TRMT1: variants seen among roughly 807,000 people sequenced by gnomAD.
The protein encoded by TRMT1 is tRNA methyltransferase 1.
TRMT1 carries 63 observed loss-of-function variants against 75.4 expected under a neutral mutation model. The observed-to-expected ratio is 0.84, with a 90% CI of 0.68 to 1.03. TRMT1 has a LOEUF of 1.03. Ranked by LOEUF, TRMT1 falls within the 50% of genes least tolerant of loss-of-function variation. TRMT1 has a pLI of 0.00. For synonymous variants in TRMT1, 382 were observed against 358.1 expected, an observed-to-expected ratio of 1.07 and a Z score of -0.75; for missense variants, 870 against 905.3, an observed-to-expected ratio of 0.96 and a Z score of 0.50.
rs1209162594 is a variant in TRMT1, at chr19:13,105,188, G to A, written c.1833+79C>T. ...ACTCCCAAACACTTGCCTGGCCCCA[G>A]CTCCCCCAATTCTCTCCCTGTTGCC... On this transcript the variant is annotated intron_variant, in intron 16 of 16. Coordinates refer to ENST00000357720, the MANE Select transcript of TRMT1 (RefSeq NM_001136035.4). The A allele has an allele frequency of 3.2e-6, 5 of 1,560,254 alleles. No individual in the cohort carries two copies. In the East Asian group the frequency reaches 1.1e-4, roughly 35 times the overall value.
chr19:13,114,795 C>T (rs1188960399), intron 5 of TRMT1, among the ~76,000 whole-genome samples: 2 of 152,170 alleles, frequency 1.3e-5, no homozygotes, highest in African/African-American at 4.8e-5. Context: ...GAGCTGAGAT[C>T]GTGCCACTGC....
In TRMT1 at chr19:13,107,740, C is replaced by A. The variant is rs780947000; in HGVS notation, c.1506+11G>T. On this transcript the variant is annotated intron_variant, in intron 13 of 16. Transcript: ENST00000357720. ...GCCCTCCCACCTGCATGAGGTCAGC[C>A]CTGCCCTCACCCAGCAACGCATGAT... is the stretch of plus-strand genomic sequence containing the variant. The A allele has an allele frequency of 1.7e-5, 27 of 1,555,262 alleles. No homozygotes were observed. In the South Asian group the frequency reaches 3.2e-4, roughly 18 times the overall value.
chr19:13,107,104 G>T (rs974110958), intron 14 of TRMT1, among the ~76,000 whole-genome samples: 2 of 149,394 alleles, frequency 1.3e-5, no homozygotes, highest in African/African-American at 5.0e-5. Flanking sequence ...CCAAAGTGCT[G>T]GGACTACAGG....
chr19:13,115,676 G>A lies in TRMT1; in HGVS notation c.403C>T (p.Leu135=). The change falls in exon 4 of 17, where the codon CTG becomes TTG. Residue 135 remains leucine, a synonymous_variant. Transcript: ENST00000357720. ...GTGCGAGGTTGGTCTCCTGAGGCCA[G>A]GTTTTCACTCTCTTTCAGTTCAACC... ...EKVELKESEN[L]ASGDQPRTAA... The A allele has an allele frequency of 6.2e-7, 1 of 1,614,026 alleles. No homozygotes were observed. Among genetic ancestry groups the A allele is most frequent in the South Asian group, 1.1e-5 (1 of 91,078 alleles).
rs146440296 is a variant in TRMT1 at position 13,109,993 on chromosome 19, G to T, written c.1028C>A (p.Ala343Glu). The change falls in exon 9 of 17, where the codon GCG becomes GAG. Residue 343 changes from alanine to glutamate, a missense_variant. Coordinates refer to ENST00000357720, the MANE Select transcript of TRMT1 (RefSeq NM_001136035.4). ...AKVKASASKQ[A>E]LVFQCVGCGA... ...GCAGCCCACACACTGGAACACCAGCGCCTGCTTGCTGTGGGGGGTACCAGT... is the reference window on the plus strand; with the variant it reads ...GCAGCCCACACACTGGAACACCAGCTCCTGCTTGCTGTGGGGGGTACCAGT... The T allele has an allele frequency of 1.9e-6, 3 of 1,613,306 alleles. No homozygotes were observed. In the East Asian group the frequency reaches 6.7e-5, roughly 36 times the overall value.
intron 12 of TRMT1, 119 bp downstream of exon 12, chr19:13,109,262 G>C: frequency 8.5e-7 from 1 of 1,178,336 alleles, no homozygotes. Context: ...TTACAGGAAT[G>C]AGACAGTGCA....
chr19:13,115,896 T>C (rs2019328291), intron 3 of TRMT1, 101 bp downstream of exon 3: 6 of 1,608,546 alleles, frequency 3.7e-6, no homozygotes, highest in East Asian at 2.2e-5. Context: ...CAGGGCCTGC[T>C]ATGTGGCTGA....
chr19:13,110,255 G>T lies in TRMT1; in HGVS notation c.922C>A (p.Arg308Ser). The part of the protein sequence containing the change: ...SLDLRANCYQ[R>S]FVVPLLSISA... ...ATGCTGAGCAGCGGCACCACGAAGC[G>T]CTGGTAGCAGTTGGCGCGGAGGTCC... The change falls in exon 8 of 17, where the codon CGC becomes AGC. Residue 308 changes from arginine (R) to serine (S), a missense_variant. Physicochemically the swap from Arg to Ser is moderately radical, Grantham distance 110. Transcript: ENST00000357720. 6.2e-7 allele frequency: 1 copy of T among 1,612,390 alleles called. No individual in the cohort carries two copies. The highest frequency in any genetic ancestry group is 8.5e-7 in the Non-Finnish European group (1 of 1,179,542).
At position 13,109,802 on chromosome 19, in the gene TRMT1, G is replaced by A. The variant is rs777692764; in HGVS notation, c.1143C>T (p.Thr381=). 1.2e-6 allele frequency: 2 copies of A among 1,614,140 alleles called. No individual in the cohort carries two copies. The highest frequency in any genetic ancestry group is 1.7e-6 in the Non-Finnish European group (2 of 1,180,028). Residue 381 remains threonine, a synonymous_variant, in exon 10 of 17, where the codon ACC becomes ACT. Transcript: ENST00000357720. ...GTTGCCCACAGTGTTCACACTCGGG[G>A]GTCACAGGGGGACCACAGGCTGCAG... ...KFSAACGPPV[T]PECEHCGQRH...
At chr19:13,113,713 G>A (rs992698874) in intron 5 of TRMT1, among the ~76,000 whole-genome samples, 7 of 152,072 alleles carry the variant, frequency 4.6e-5, no homozygotes, top group Admixed American at 1.3e-4. Context: ...GGGTTCAAGC[G>A]ATTCTCCTGC....
Position 13,112,887 on chromosome 19 carries a change from C to G in TRMT1, c.757+9G>C. 6.2e-7 allele frequency: 1 copy of G among 1,612,764 alleles called. No individual in the cohort carries two copies. Among genetic ancestry groups the G allele is most frequent in the East Asian group, 2.2e-5 (1 of 44,844 alleles). On this transcript the variant is annotated intron_variant, in intron 6 of 16. Coordinates refer to ENST00000357720, the MANE Select transcript of TRMT1 (RefSeq NM_001136035.4). The stretch of plus-strand genomic sequence containing the variant: ...CCCTGCTCCCACCCCAGTGCCATCC[C>G]CACCTCACCTCCTTCACTCACAGCC...
At chr19:13,109,356 T>G in intron 12 of TRMT1, 25 bp downstream of exon 12, 4 of 1,611,666 alleles carry the variant, frequency 2.5e-6, no homozygotes, top group Non-Finnish European at 3.4e-6. Flanking sequence ...TGGGACAGGC[T>G]CCTCCCGACC....
intron 5 of TRMT1, among the ~76,000 whole-genome samples, chr19:13,113,607 AT>A (rs144089403): frequency 1.8e-4 from 27 of 149,056 alleles, no homozygotes; most frequent in African/African-American, 3.2e-4. Flanking sequence ...GTATTAACAC[AT>A]TTTTTTTTTC....
chr19:13,105,451 C>A, intron 15 of TRMT1, 36 bp downstream of exon 15: 2 of 1,613,954 alleles, frequency 1.2e-6, no homozygotes, highest in Non-Finnish European at 1.7e-6. Context: ...CCTTCTTTCC[C>A]TGGCTGAGCC....
chr19:13,110,044 G>T, intron 8 of TRMT1, 43 bp from the exon 9 acceptor site: 1 of 1,612,304 alleles, frequency 6.2e-7, no homozygotes, highest in South Asian at 1.1e-5. Flanking sequence ...GCGTGACCAC[G>T]ACACCCCAAC....
intron 7 of TRMT1, among the ~76,000 whole-genome samples, chr19:13,112,078 C>G (rs1414515254): frequency 1.3e-5 from 2 of 152,004 alleles, no homozygotes; most frequent in African/African-American, 4.8e-5. Context: ...GCAACCTCGC[C>G]TCCTGGGTTC....
intron 14 of TRMT1, among the ~76,000 whole-genome samples, chr19:13,106,070 TAAAA>T (rs1427923765): frequency 6.7e-6 from 1 of 149,416 alleles, no homozygotes; most frequent in Non-Finnish European, 1.5e-5. Flanking sequence ...TAAAAAAAAA[TAAAA>T]TAAAGATACA....
intron 14 of TRMT1, among the ~76,000 whole-genome samples, chr19:13,106,021 C>A (rs1043976025): frequency 6.6e-6 from 1 of 151,692 alleles, no homozygotes. Context: ...GAAATCGCAC[C>A]ACTGCACTCC....
chr19:13,107,990 T>C (rs111656408), intron 12 of TRMT1, 131 bp from the exon 13 acceptor site: 44 of 469,518 alleles, frequency 9.4e-5, no homozygotes, highest in Middle Eastern at 5.2e-4. Context: ...CTTTTCTTTT[T>C]TTTTTTTTTT....
Sources: allele counts gnomAD v4.1 joint callset (sites outside exome capture counted in the v4.1 genomes callset), GRCh38; gene constraint gnomAD v4.1.1; transcripts MANE v1.5; gene names NCBI Gene and HGNC (gene_info 2026-07-23, HGNC 2026-07-21).